The following DOCK4 variants were observed in gnomAD, a reference collection of about 807,000 sequenced individuals.
DOCK4 encodes the protein dedicator of cytokinesis protein 4.
A neutral mutation model predicts 268.1 loss-of-function variants in DOCK4; 97 were observed. The observed-to-expected ratio is 0.36, with a 90% CI of 0.31 to 0.43. The LOEUF (loss-of-function observed/expected upper bound fraction) is 0.43, where lower values mean the gene tolerates loss of function less well. Ranked by LOEUF, DOCK4 falls within the 20% of genes least tolerant of loss-of-function variation. The pLI is 1.00. For missense variants in DOCK4, 2,145 were observed against 2,455.7 expected (o/e 0.87, Z 2.67); for synonymous variants, 954 against 887.2 (o/e 1.08, Z -1.34).
Position 111,869,603 on chromosome 7 carries a change from G to C in DOCK4, c.2080C>G (p.Arg694Gly). 1 of 1,613,460 alleles carries C rather than the reference G, an allele frequency of 6.2e-7. No individual in the cohort carries two copies. The highest frequency in any genetic ancestry group is 1.3e-5 in the African/African-American group (1 of 75,000). Residue 694 changes from arginine (R) to glycine (G), a missense_variant, in exon 21 of 53, where the codon CGG (arginine) becomes GGG (glycine). This residue lies in a region of DOCK4 where 1,598 missense variants were observed against 1,986.7 expected (regional missense o/e 0.80). Transcript: ENST00000428084. ...WYVDRITEAERQEHIQEVLKA... is the reference protein window; with the variant it reads ...WYVDRITEAEGQEHIQEVLKA... ...AGCACCTCCTGGATATGCTCTTGCCGCTCTGCTTCTGTGATCCGGTCCACG... is the reference window on the plus strand; with the variant it reads ...AGCACCTCCTGGATATGCTCTTGCCCCTCTGCTTCTGTGATCCGGTCCACG...
Position 111,871,395 on chromosome 7 carries a change from A to T in DOCK4, c.2027+595T>A, listed in dbSNP as rs1275275042. On this transcript the variant is annotated intron_variant, in intron 20 of 52. Transcript: ENST00000428084. ...CTAGCCAAAGCATAATATTATTCAT[A>T]ACTTTTCAGCACCACCTGAGCCAGT... 3.3e-5 allele frequency among the ~76,000 whole-genome samples: 5 copies of T among 152,340 alleles called. 1 individual carries two copies. The highest frequency in any genetic ancestry group is 1.2e-4 in the African/African-American group (5 of 41,590).
intron 1 of DOCK4, among the ~76,000 whole-genome samples, chr7:112,028,737 G>A (rs1586674988): frequency 2.0e-5 from 3 of 152,210 alleles, no homozygotes; most frequent in African/African-American, 7.2e-5. Context: ...CAGCTGCACT[G>A]AAAACTGAGC....
intron 1 of DOCK4, among the ~76,000 whole-genome samples, chr7:112,007,721 A>G (rs1442229161): frequency 6.6e-6 from 1 of 152,208 alleles, no homozygotes; most frequent in Non-Finnish European, 1.5e-5. Flanking sequence ...TCATAAACTA[A>G]GGAAAACCAG....
Position 111,768,085 on chromosome 7 carries a change from T to G in DOCK4, c.3829-967A>C, listed in dbSNP as rs559838909. Among the ~76,000 whole-genome samples the G allele has an allele frequency of 3.3e-5, 5 of 152,304 alleles. No individual in the cohort carries two copies. In the South Asian group the frequency reaches 1.0e-3, roughly 32 times the overall value. ...ATTTAGGGACACTAAAATGTGCATT[T>G]CATATCATTTTCACATGTCCCAAAA... On this transcript the variant is annotated intron_variant, in intron 37 of 52. Coordinates refer to ENST00000428084, the MANE Select transcript of DOCK4 (RefSeq NM_001363540.2).
intron 1 of DOCK4, among the ~76,000 whole-genome samples, chr7:112,107,268 TAGA>T (rs2115601682): frequency 6.6e-6 from 1 of 152,210 alleles, no homozygotes; most frequent in Admixed American, 6.5e-5. Flanking sequence ...CCTGGTATCT[TAGA>T]ATATGACTGT....
chr7:111,940,115 T>A lies in DOCK4; in HGVS notation c.972A>T (p.Val324=), dbSNP rs781200219. 2 of 1,613,912 alleles carry A rather than the reference T, an allele frequency of 1.2e-6. No individual in the cohort carries two copies. The highest frequency in any genetic ancestry group is 1.7e-6 in the Non-Finnish European group (2 of 1,179,898). The change falls in exon 11 of 53, where the codon GTA becomes GTT. Residue 324 remains valine (V), a synonymous_variant. Transcript: ENST00000428084. ...ACCACGTGCATGTTTCTTACATGTA[T>A]ACTTTCAGAATGAGGTCATCCTTTG... ...GETKDDLILK[V]YMCNTESEWY...
At chr7:112,169,114 T>A (rs560287995) in intron 1 of DOCK4, among the ~76,000 whole-genome samples, 1 of 152,174 alleles carries the variant, frequency 6.6e-6, no homozygotes, top group African/African-American at 2.4e-5. Context: ...TGAGCTCTCA[T>A]GAGATCTGGC....
At chr7:112,066,707 A>G (rs1352499099) in intron 1 of DOCK4, among the ~76,000 whole-genome samples, 1,116 of 75,618 alleles carry the variant, frequency 0.015, 72 homozygotes, top group East Asian at 0.1. Flanking sequence ...ATATATATAT[A>G]TATATATATA....
chr7:111,736,704 T>G (rs1404225472), intron 50 of DOCK4, among the ~76,000 whole-genome samples: 1 of 152,230 alleles, frequency 6.6e-6, no homozygotes, highest in Non-Finnish European at 1.5e-5. Context: ...GTTCCTATCT[T>G]GCTCAGATTC....
At chr7:112,183,787 T>C (rs959340771) in intron 1 of DOCK4, among the ~76,000 whole-genome samples, 41 of 152,200 alleles carry the variant, frequency 2.7e-4, no homozygotes, top group African/African-American at 8.9e-4. Flanking sequence ...ATTTCGATAG[T>C]GGTAACATTT....
At chr7:111,846,244 A>G (rs1164824562) in intron 24 of DOCK4, among the ~76,000 whole-genome samples, 1 of 152,216 alleles carries the variant, frequency 6.6e-6, no homozygotes, top group East Asian at 1.9e-4. Flanking sequence ...CTTGGCACTC[A>G]TTGCCAAACT....
chr7:111,983,860 GCGCACACA>G (rs1189165530), intron 7 of DOCK4, among the ~76,000 whole-genome samples: 2 of 128,844 alleles, frequency 1.6e-5, no homozygotes, highest in Non-Finnish European at 3.3e-5. Flanking sequence ...GCGCGCGCGC[GCGCACACA>G]CACACACACA....
intron 1 of DOCK4, among the ~76,000 whole-genome samples, chr7:112,201,818 C>G (rs1219292659): frequency 1.3e-5 from 2 of 152,140 alleles, no homozygotes; most frequent in African/African-American, 4.8e-5. Context: ...ACTTTGTACA[C>G]TTTGATCATC....
intron 8 of DOCK4, among the ~76,000 whole-genome samples, chr7:111,976,103 T>C (rs564261286): frequency 2.5e-5 from 3 of 121,608 alleles, no homozygotes. Context: ...ACCACACCAC[T>C]GCACTCCAGC....
chr7:111,936,396 T>G (rs1195870073), intron 11 of DOCK4, among the ~76,000 whole-genome samples: 1 of 152,124 alleles, frequency 6.6e-6, no homozygotes, highest in Non-Finnish European at 1.5e-5. Flanking sequence ...CTGTTAAGGT[T>G]CTTGAGGACT....
Position 112,206,254 on chromosome 7 carries a change from G to C in DOCK4, c.-116C>G. ...GTGCCGGAGCCCAGCGGCTTCGCGC[G>C]GGCTGCGGGCGCTGGGCAGGATCTG... On this transcript the variant is annotated 5_prime_UTR_variant, in exon 1 of 53. Coordinates refer to ENST00000428084, the MANE Select transcript of DOCK4 (RefSeq NM_001363540.2). 2 of 1,198,684 alleles carry C rather than the reference G, an allele frequency of 1.7e-6. No homozygotes were observed. Among genetic ancestry groups the C allele is most frequent in the Non-Finnish European group, 2.4e-6 (2 of 842,250 alleles). The allele number at this position is 1,198,684 out of a possible 1,614,324, so 74.3% of individuals were successfully genotyped here. A position where few individuals can be genotyped will look rare whatever the true frequency, so the allele number is the denominator to read the frequency against.
intron 1 of DOCK4, among the ~76,000 whole-genome samples, chr7:112,101,050 G>A (rs1810631603): frequency 1.3e-5 from 2 of 152,110 alleles, no homozygotes; most frequent in South Asian, 4.1e-4. Context: ...AGAATCTGGG[G>A]GTGTGTTATG....
At chr7:112,158,947 G>A (rs1231774951) in intron 1 of DOCK4, among the ~76,000 whole-genome samples, 1 of 152,100 alleles carries the variant, frequency 6.6e-6, no homozygotes, top group Non-Finnish European at 1.5e-5. Flanking sequence ...CTTCATCTAA[G>A]TTACTACAAG....
At position 112,165,700 on chromosome 7, in the gene DOCK4, C is replaced by G. The variant is rs116680260; in HGVS notation, c.37+40402G>C. Among the ~76,000 whole-genome samples the G allele has an allele frequency of 3.0e-3, 449 of 152,044 alleles. 2 individuals are homozygous for G. The highest frequency in any genetic ancestry group is 9.9e-3 in the African/African-American group (409 of 41,454). Reference sequence around the variant, plus strand: ...TGATATTTAAATATCAAGTACATTTCTTACAGTAATGTAAGGGGAAAAAAA... The same window carrying G: ...TGATATTTAAATATCAAGTACATTTGTTACAGTAATGTAAGGGGAAAAAAA... On this transcript the variant is annotated intron_variant, in intron 1 of 52. Coordinates refer to ENST00000428084, the MANE Select transcript of DOCK4 (RefSeq NM_001363540.2).
Sources: allele counts gnomAD v4.1 joint callset (sites outside exome capture counted in the v4.1 genomes callset), GRCh38; gene constraint gnomAD v4.1.1; regional missense constraint gnomAD v4.1.1; transcripts MANE v1.5; gene names NCBI Gene and HGNC (gene_info 2026-07-23, HGNC 2026-07-21).